SOCS7: variants seen among roughly 807,000 people sequenced by gnomAD.
SOCS7 encodes suppressor of cytokine signaling 7.
In SOCS7, 18 loss-of-function variants were observed where a neutral mutation model predicts 58.9. That is an observed-to-expected ratio of 0.31 (90% CI 0.21 to 0.45). The LOEUF (loss-of-function observed/expected upper bound fraction) is 0.45, where lower values mean the gene tolerates loss of function less well. SOCS7 is among the 20% of genes least tolerant of loss of function. The pLI is 1.00. For missense variants in SOCS7, 667 were observed against 837.3 expected (o/e 0.80, Z 2.51); for synonymous variants, 388 against 364.3 (o/e 1.06, Z -0.74).
At position 38,360,243 on chromosome 17, in the gene SOCS7, C is replaced by T. The variant is rs587706628; in HGVS notation, c.981-1468C>T. On this transcript the variant is annotated intron_variant, in intron 1 of 9. Coordinates refer to ENST00000612932, the MANE Select transcript of SOCS7 (RefSeq NM_014598.4). ...ATGGAGTCTCACTCTGTCACCCAGG[C>T]TGGAGTGCAGTGGTGTGATCTTGGT... is the stretch of plus-strand genomic sequence containing the variant. 1.7e-3 allele frequency among the ~76,000 whole-genome samples: 262 copies of T among 151,208 alleles called. 2 individuals carry two copies. The highest frequency in any genetic ancestry group is 6.0e-3 in the African/African-American group (248 of 41,230).
At chr17:38,378,121 A>C (rs2037955347) in intron 7 of SOCS7, among the ~76,000 whole-genome samples, 1 of 152,230 alleles carries the variant, frequency 6.6e-6, no homozygotes, top group Non-Finnish European at 1.5e-5. Flanking sequence ...ATTTGGAGGT[A>C]TCCCTGATCT....
rs1054656203 is a variant in SOCS7, at chr17:38,385,653, T to C, written c.1681+7811T>C. 2.2e-4 allele frequency among the ~76,000 whole-genome samples: 34 copies of C among 152,280 alleles called. No homozygotes were observed. In the Middle Eastern group the frequency reaches 0.01, roughly 46 times the overall value. On this transcript the variant is annotated intron_variant, in intron 7 of 9. Coordinates refer to ENST00000612932, the MANE Select transcript of SOCS7 (RefSeq NM_014598.4). ...TGAATGCTTTTATCACCCCAGTGTA[T>C]ATCCCTGAACACTATAGTTTGATAT...
chr17:38,352,222 G>T lies in SOCS7; in HGVS notation c.170G>T (p.Arg57Leu). 2 of 1,362,000 alleles carry T rather than the reference G, an allele frequency of 1.5e-6. No homozygotes were observed. Among genetic ancestry groups the T allele is most frequent in the Non-Finnish European group, 1.9e-6 (2 of 1,064,474 alleles). 84.4% of individuals were successfully genotyped at this position (1,362,000 alleles called of 1,614,324 possible). A position where few individuals can be genotyped will look rare whatever the true frequency, so the allele number is the denominator to read the frequency against. The part of the protein sequence containing the change: ...PPPFLARPGP[R>L]GSRPPQLMVF... ...CCCTTCCTCGCGCGGCCCGGCCCGCGGGGCTCCCGGCCGCCGCAGCTGATG... is the reference window on the plus strand; with the variant it reads ...CCCTTCCTCGCGCGGCCCGGCCCGCTGGGCTCCCGGCCGCCGCAGCTGATG... The change falls in exon 1 of 10, where the codon CGG becomes CTG. Residue 57 changes from arginine to leucine, a missense_variant. By Grantham distance (102) the Arg-to-Leu change is moderately radical. Transcript: ENST00000612932. This position sits in a 1 kb window ranked among gnomAD's most constrained non-coding sequence, Gnocchi z 5.5.
intron 7 of SOCS7, among the ~76,000 whole-genome samples, chr17:38,387,694 T>A (rs1312658200): frequency 8.9e-6 from 1 of 112,798 alleles, no homozygotes; most frequent in Non-Finnish European, 1.8e-5. Flanking sequence ...ATTTATATAT[T>A]TATATTATAC....
rs61744884 is a variant in SOCS7, at chr17:38,395,334, G to T, written c.1707G>T (p.Leu569=). The change falls in exon 8 of 10, where the codon CTG becomes CTT. Residue 569 remains leucine (L), a synonymous_variant. Coordinates refer to ENST00000612932, the MANE Select transcript of SOCS7 (RefSeq NM_014598.4). ...VPGLPPTPVQ[L]LYPVSRFSNV... Reference sequence around the variant, plus strand: ...GACTGCCACCAACTCCTGTCCAGCTGCTCTATCCAGTGTCCCGATTCAGCA... The same window carrying T: ...GACTGCCACCAACTCCTGTCCAGCTTCTCTATCCAGTGTCCCGATTCAGCA... 3 of 1,614,138 alleles carry T rather than the reference G, an allele frequency of 1.9e-6. No homozygotes were observed. The highest frequency in any genetic ancestry group is 1.7e-6 in the Non-Finnish European group (2 of 1,180,018).
At chr17:38,356,473 G>A (rs921479464) in intron 1 of SOCS7, among the ~76,000 whole-genome samples, 1 of 151,762 alleles carries the variant, frequency 6.6e-6, no homozygotes, top group African/African-American at 2.4e-5. Flanking sequence ...CGCCTCCCAG[G>A]TTCAAGCCAT....
chr17:38,393,434 C>T (rs900000185), intron 7 of SOCS7, among the ~76,000 whole-genome samples: 1 of 151,702 alleles, frequency 6.6e-6, no homozygotes, highest in South Asian at 2.1e-4. Context: ...GTCAGGAGTT[C>T]GAAACTAGAC....
intron 7 of SOCS7, among the ~76,000 whole-genome samples, chr17:38,394,297 C>T (rs1005928967): frequency 2.6e-5 from 4 of 152,174 alleles, no homozygotes; most frequent in Admixed American, 6.5e-5. Context: ...CTTGCCCAAG[C>T]GATTGTAGTT....
chr17:38,382,762 C>T (rs1026186211), intron 7 of SOCS7, among the ~76,000 whole-genome samples: 1 of 152,176 alleles, frequency 6.6e-6, no homozygotes, highest in African/African-American at 2.4e-5. Flanking sequence ...GCTGAGATTA[C>T]AGGCGTGAGC....
At chr17:38,366,111 C>A in intron 4 of SOCS7, 176 bp from the exon 5 acceptor site, 1 of 1,255,828 alleles carries the variant, frequency 8.0e-7, no homozygotes, top group South Asian at 1.6e-5. Flanking sequence ...CAAGCCCACA[C>A]AGCTTTTTGT....
chr17:38,381,427 C>A (rs969562374), intron 7 of SOCS7, among the ~76,000 whole-genome samples: 1 of 152,110 alleles, frequency 6.6e-6, no homozygotes, highest in African/African-American at 2.4e-5. Context: ...TTAACTTGAT[C>A]GATTCAGAAA....
At chr17:38,387,117 A>ATATATGTGTGTG (rs2038082202) in intron 7 of SOCS7, among the ~76,000 whole-genome samples, 1 of 105,652 alleles carries the variant, frequency 9.5e-6, no homozygotes, top group Non-Finnish European at 1.8e-5. Flanking sequence ...ATATATATAT[A>ATATATGTGTGTG]TATATATATA....
chr17:38,392,794 C>A lies in SOCS7; in HGVS notation c.1682-2515C>A, dbSNP rs151276828. The stretch of plus-strand genomic sequence containing the variant: ...GGCAGAGGTGCAGGCACTCTAGAGA[C>A]CCTCCTGGAGAACCCTGCTGAGAGG... On this transcript the variant is annotated intron_variant, in intron 7 of 9. Transcript: ENST00000612932. 3.0e-4 allele frequency among the ~76,000 whole-genome samples: 45 copies of A among 152,256 alleles called. 1 individual carries two copies. In the East Asian group the frequency reaches 5.2e-3, roughly 18 times the overall value.
At chr17:38,372,830 G>A (rs1157772417) in intron 6 of SOCS7, among the ~76,000 whole-genome samples, 2 of 152,188 alleles carry the variant, frequency 1.3e-5, no homozygotes, top group Non-Finnish European at 2.9e-5. Context: ...AAAAAGGCTG[G>A]ATGCGGTGGC....
chr17:38,369,516 A>G (rs2037833562), intron 6 of SOCS7, among the ~76,000 whole-genome samples: 2 of 152,196 alleles, frequency 1.3e-5, no homozygotes, highest in Admixed American at 6.5e-5. Context: ...CACACAAGGA[A>G]AAAAACAAAA....
intron 1 of SOCS7, among the ~76,000 whole-genome samples, chr17:38,354,745 C>G (rs1210252523): frequency 6.6e-6 from 1 of 152,164 alleles, no homozygotes; most frequent in Non-Finnish European, 1.5e-5. Flanking sequence ...TGGGTAATGA[C>G]ATAGGATAGA....
At chr17:38,372,774 A>C (rs1388903839) in intron 6 of SOCS7, among the ~76,000 whole-genome samples, 1 of 152,194 alleles carries the variant, frequency 6.6e-6, no homozygotes, top group African/African-American at 2.4e-5. Context: ...GTTGTTCACC[A>C]TTTCAAGATA....
intron 1 of SOCS7, among the ~76,000 whole-genome samples, chr17:38,353,391 A>G (rs1265473999): frequency 6.6e-6 from 1 of 152,204 alleles, no homozygotes; most frequent in Non-Finnish European, 1.5e-5. Context: ...CCTTTGGGGC[A>G]AAAAGCTGGT....
intron 6 of SOCS7, among the ~76,000 whole-genome samples, chr17:38,374,475 C>G (rs1043493682): frequency 6.6e-6 from 1 of 152,200 alleles, no homozygotes; most frequent in Admixed American, 6.5e-5. Flanking sequence ...CCACTGCACT[C>G]CAGCCTGGGC....
Sources: gnomAD v4.1 joint callset for allele counts (sites outside exome capture counted in the v4.1 genomes callset) on GRCh38, gnomAD v4.1.1 for gene constraint, Gnocchi (gnomAD v3.1) non-coding constraint, MANE v1.5 for transcripts, NCBI Gene and HGNC (gene_info 2026-07-23, HGNC 2026-07-21) for gene names.